ERP44: variants seen among roughly 807,000 people sequenced by gnomAD.
The protein encoded by ERP44 is endoplasmic reticulum resident protein 44.
A neutral mutation model predicts 53.4 loss-of-function variants in ERP44; 25 were observed. That is an observed-to-expected ratio of 0.47 (90% CI 0.34 to 0.65). The LOEUF (loss-of-function observed/expected upper bound fraction) is 0.65. Ranked by LOEUF, ERP44 falls within the 30% of genes least tolerant of loss-of-function variation. The probability of loss-of-function intolerance (pLI) is 0.01; values close to 1 mark genes in which losing one functional copy is unlikely to be tolerated. For synonymous variants in ERP44, 145 were observed against 161.2 expected, an observed-to-expected ratio of 0.90 and a Z score of 0.76; for missense variants, 338 against 493.2, an observed-to-expected ratio of 0.69 and a Z score of 2.98.
At chr9:100,064,326 T>C (rs1314838619) in intron 1 of ERP44, among the ~76,000 whole-genome samples, 9 of 152,168 alleles carry the variant, frequency 5.9e-5, no homozygotes, top group African/African-American at 2.2e-4. Context: ...AATAGGTAGA[T>C]GATGTTAACA....
At chr9:100,090,295 G>A (rs886162174) in intron 1 of ERP44, among the ~76,000 whole-genome samples, 41 of 152,162 alleles carry the variant, frequency 2.7e-4, no homozygotes, top group African/African-American at 9.7e-4. Context: ...ATAAGTCAAA[G>A]GAACTGAGGA....
At chr9:100,030,542 T>C (rs1395351035) in intron 4 of ERP44, among the ~76,000 whole-genome samples, 1 of 152,188 alleles carries the variant, frequency 6.6e-6, no homozygotes, top group African/African-American at 2.4e-5. Flanking sequence ...ATGGTTAGAA[T>C]ACTTCCTAAA....
chr9:100,060,410 A>G (rs546866128), intron 1 of ERP44, among the ~76,000 whole-genome samples: 28 of 152,320 alleles, frequency 1.8e-4, no homozygotes, highest in African/African-American at 6.3e-4. Context: ...AATATACAAA[A>G]TAGCTTCTAA....
At chr9:100,032,568 T>C (rs1182152567) in intron 4 of ERP44, among the ~76,000 whole-genome samples, 5 of 152,230 alleles carry the variant, frequency 3.3e-5, no homozygotes, top group Admixed American at 2.6e-4. Context: ...TGGTATGTGT[T>C]CTAAAATTAT....
intron 1 of ERP44, among the ~76,000 whole-genome samples, chr9:100,074,366 G>A (rs1826334874): frequency 6.6e-6 from 1 of 152,154 alleles, no homozygotes; most frequent in African/African-American, 2.4e-5. Flanking sequence ...AGAATATTCT[G>A]ACTCATGTAG....
intron 10 of ERP44, among the ~76,000 whole-genome samples, chr9:100,000,360 C>T (rs1830363065): frequency 6.7e-6 from 1 of 149,900 alleles, no homozygotes; most frequent in Admixed American, 6.6e-5. Context: ...TACTTGAGCC[C>T]AGGAATTTGA....
rs1294980787 is a variant in ERP44 at position 100,007,521 on chromosome 9, G to A, written c.874+57C>T. Reference sequence around the variant, plus strand: ...AGAAATGGGAGAGGAGATGATGAAAGGGAAAAAAAGAAAAGAGAGAAAGAA... The same window carrying A: ...AGAAATGGGAGAGGAGATGATGAAAAGGAAAAAAAGAAAAGAGAGAAAGAA... On this transcript the variant is annotated intron_variant, in intron 9 of 11. Coordinates refer to ENST00000262455, the MANE Select transcript of ERP44 (RefSeq NM_015051.3). 3.0e-5 allele frequency: 27 copies of A among 902,886 alleles called. No homozygotes were observed. In the South Asian group the frequency reaches 3.4e-4, roughly 11 times the overall value. The allele number at this position is 902,886 out of a possible 1,614,324, so 55.9% of individuals were successfully genotyped here.
intron 11 of ERP44, among the ~76,000 whole-genome samples, chr9:99,984,627 T>C (rs913421183): frequency 2.6e-5 from 4 of 152,332 alleles, no homozygotes; most frequent in South Asian, 2.1e-4. Context: ...TGGATAGTTA[T>C]TGGAATCCAC....
chr9:100,039,299 C>T (rs1379987018), intron 4 of ERP44, among the ~76,000 whole-genome samples: 1 of 152,104 alleles, frequency 6.6e-6, no homozygotes, highest in Non-Finnish European at 1.5e-5. Flanking sequence ...CAAAACAAGT[C>T]TTAAAACGTT....
chr9:99,997,503 T>C (rs1240352730), intron 10 of ERP44, among the ~76,000 whole-genome samples: 1 of 152,150 alleles, frequency 6.6e-6, no homozygotes, highest in Non-Finnish European at 1.5e-5. Flanking sequence ...AACTGTAGAA[T>C]GCACAGTTTC....
intron 4 of ERP44, among the ~76,000 whole-genome samples, chr9:100,023,307 G>T (rs1001210608): frequency 1.3e-4 from 19 of 150,986 alleles, no homozygotes; most frequent in Non-Finnish European, 2.5e-4. Context: ...CAAGTAGAAG[G>T]CTTTTAAATA....
At chr9:100,091,140 G>T (rs1287775507) in intron 1 of ERP44, among the ~76,000 whole-genome samples, 2 of 152,110 alleles carry the variant, frequency 1.3e-5, no homozygotes, top group African/African-American at 4.8e-5. Context: ...CAATGTTCGT[G>T]TCTACAAATT....
At chr9:100,034,682 T>C (rs1825830249) in intron 4 of ERP44, among the ~76,000 whole-genome samples, 1 of 152,172 alleles carries the variant, frequency 6.6e-6, no homozygotes, top group Non-Finnish European at 1.5e-5. Flanking sequence ...AGTATGGCCA[T>C]TTTAACGATA....
At chr9:100,061,412 C>A (rs1011253065) in intron 1 of ERP44, among the ~76,000 whole-genome samples, 12 of 150,498 alleles carry the variant, frequency 8.0e-5, no homozygotes, top group Admixed American at 1.3e-4. Context: ...CCACTGCACT[C>A]CAGCCTGGGC....
chr9:100,020,668 C>G lies in ERP44; in HGVS notation c.535G>C (p.Glu179Gln), dbSNP rs1390262700. 8 of 1,611,362 alleles carry G rather than the reference C, an allele frequency of 5.0e-6. No individual in the cohort carries two copies. Among genetic ancestry groups the G allele is most frequent in the Admixed American group, 1.7e-5 (1 of 59,904 alleles). Reference protein sequence around the residue: ...QKDSDNYRVFERVANILHDDC... With the variant: ...QKDSDNYRVFQRVANILHDDC... ...TCATGCAAAATATTCGCTACTCGTT[C>G]AAAAACTCTATAGTTGTCCGAGTCC... The change falls in exon 6 of 12, where the codon GAA becomes CAA. Residue 179 changes from glutamate (E) to glutamine (Q), a missense_variant. Glu to Gln is a conservative substitution (Grantham distance 29). This residue lies in a region of ERP44 where 224 missense variants were observed against 301.4 expected (regional missense o/e 0.74). Transcript: ENST00000262455.
chr9:100,011,315 A>G (rs746788940), intron 8 of ERP44, among the ~76,000 whole-genome samples: 15 of 152,198 alleles, frequency 9.9e-5, no homozygotes, highest in Admixed American at 2.6e-4. Flanking sequence ...GAAATGTCTT[A>G]TCTACCTTAA....
chr9:100,071,057 A>G (rs543519397), intron 1 of ERP44, among the ~76,000 whole-genome samples: 1 of 150,406 alleles, frequency 6.6e-6, no homozygotes, highest in Non-Finnish European at 1.5e-5. Context: ...CAAAGTTTAT[A>G]CTCAACAGAT....
intron 8 of ERP44, among the ~76,000 whole-genome samples, chr9:100,010,957 TA>T (rs1830470045): frequency 6.6e-6 from 1 of 151,306 alleles, no homozygotes; most frequent in Non-Finnish European, 1.5e-5. Flanking sequence ...TTCATTTTTA[TA>T]AACTGTTAGC....
chr9:100,066,534 T>C (rs1008393186), intron 1 of ERP44, among the ~76,000 whole-genome samples: 1 of 152,230 alleles, frequency 6.6e-6, no homozygotes, highest in African/African-American at 2.4e-5. Context: ...TGCCTTTCTG[T>C]TGGGAGATTC....
Sources: gnomAD v4.1 joint callset for allele counts (sites outside exome capture counted in the v4.1 genomes callset) on GRCh38, gnomAD v4.1.1 for gene constraint, gnomAD v4.1.1 regional missense constraint, MANE v1.5 for transcripts, NCBI Gene and HGNC (gene_info 2026-07-23, HGNC 2026-07-21) for gene names.